Variants in LSM14A observed in about 807,000 individuals in gnomAD.
LSM14A encodes protein LSM14 homolog A.
Under a neutral mutation model 52.4 loss-of-function variants are expected in LSM14A, and 14 were observed. The observed-to-expected ratio is 0.27, with a 90% CI of 0.18 to 0.42. LSM14A has a LOEUF of 0.42. Among genes scored for constraint, LSM14A ranks in the 10% least tolerant of loss-of-function variants. The pLI is 1.00. For synonymous variants in LSM14A, 185 were observed against 200.3 expected (o/e 0.92, Z 0.64); for missense variants, 417 against 581.8 (o/e 0.72, Z 2.91).
chr19:34,212,124 C>T (rs2072208384), intron 4 of LSM14A, among the ~76,000 whole-genome samples: 1 of 151,968 alleles, frequency 6.6e-6, no homozygotes, highest in African/African-American at 2.4e-5. Context: ...AAGATGGAAG[C>T]CAGGGATTTG....
At chr19:34,227,219 G>T (rs184989652) in intron 9 of LSM14A, 146 bp from the exon 10 acceptor site, 9 of 649,272 alleles carry the variant, frequency 1.4e-5, no homozygotes, top group Admixed American at 1.2e-4. Flanking sequence ...AAGGAGTTTC[G>T]TGGAAATGAG....
intron 1 of LSM14A, among the ~76,000 whole-genome samples, chr19:34,188,443 C>T (rs2070097746): frequency 6.6e-6 from 1 of 152,166 alleles, no homozygotes; most frequent in Middle Eastern, 3.2e-3. Context: ...TGTGTGCGCA[C>T]ATGTGTGTTT....
intron 3 of LSM14A, among the ~76,000 whole-genome samples, chr19:34,202,918 A>G (rs1212272071): frequency 1.3e-5 from 2 of 152,102 alleles, no homozygotes; most frequent in Admixed American, 1.3e-4. Context: ...CGGCCTCCCA[A>G]AGTGCTAGGA....
At chr19:34,218,140 A>T (rs1277998302) in intron 6 of LSM14A, among the ~76,000 whole-genome samples, 1 of 151,642 alleles carries the variant, frequency 6.6e-6, no homozygotes, top group African/African-American at 2.4e-5. Context: ...GGTAGGTGGG[A>T]TTACAGGCAT....
intron 8 of LSM14A, among the ~76,000 whole-genome samples, chr19:34,221,146 G>A (rs181935167): frequency 1.4e-4 from 21 of 145,056 alleles, no homozygotes; most frequent in Middle Eastern, 3.7e-3. Context: ...GCAGTGGCTC[G>A]ATCTCGACTC....
intron 3 of LSM14A, among the ~76,000 whole-genome samples, chr19:34,204,286 A>G (rs918688486): frequency 2.6e-5 from 4 of 152,248 alleles, no homozygotes; most frequent in African/African-American, 9.6e-5. Flanking sequence ...TACATGGTAT[A>G]TTGTTAAACC....
At chr19:34,217,421 AATTT>A (rs1229967177) in intron 6 of LSM14A, among the ~76,000 whole-genome samples, 1 of 151,552 alleles carries the variant, frequency 6.6e-6, no homozygotes, top group African/African-American at 2.4e-5. Flanking sequence ...AATATTTTCA[AATTT>A]ATTAATGGAA....
At position 34,215,281 on chromosome 19, in the gene LSM14A, G is replaced by T; in HGVS notation, c.696G>T (p.Glu232Asp). ...CATCTGCCAGCCAAAAGGCAGGAGA[G>T]AATCAGGAGCACAGGCGAGGTAGAA... The part of the protein sequence containing the change: ...PLPSASQKAG[E>D]NQEHRRAEVH... Residue 232 changes from glutamate (E) to aspartate (D), a missense_variant, in exon 5 of 10, where the codon GAG (glutamate) becomes GAT (aspartate). By Grantham distance (45) the Glu-to-Asp change is conservative. Around this residue, in one of 2 missense-constraint regions of LSM14A, gnomAD observed 357 missense variants for 457.0 expected, o/e 0.78. Transcript: ENST00000544216. 1.2e-6 allele frequency: 2 copies of T among 1,613,080 alleles called. No individual in the cohort carries two copies. Among genetic ancestry groups the T allele is most frequent in the Middle Eastern group, 1.7e-4 (1 of 6,056 alleles).
At chr19:34,197,130 C>G (rs1018533309) in intron 3 of LSM14A, among the ~76,000 whole-genome samples, 1 of 152,030 alleles carries the variant, frequency 6.6e-6, no homozygotes. Flanking sequence ...CTCACTCTGT[C>G]ACTCAGGCTG....
chr19:34,182,193 T>G (rs1454673474), intron 1 of LSM14A, among the ~76,000 whole-genome samples: 2 of 152,218 alleles, frequency 1.3e-5, no homozygotes, highest in Non-Finnish European at 2.9e-5. Context: ...CAATTTTACT[T>G]GAGTGAATCT....
intron 1 of LSM14A, among the ~76,000 whole-genome samples, chr19:34,190,619 G>A (rs1244528689): frequency 3.3e-5 from 5 of 150,176 alleles, no homozygotes; most frequent in Admixed American, 6.6e-5. Flanking sequence ...ACTACTGTCT[G>A]TTGAGTTTCC....
At chr19:34,179,823 C>T (rs1180052647) in intron 1 of LSM14A, among the ~76,000 whole-genome samples, 1 of 152,114 alleles carries the variant, frequency 6.6e-6, no homozygotes, top group Middle Eastern at 3.2e-3. Flanking sequence ...TTAATTATTC[C>T]GTGCTAGAAG....
At chr19:34,178,496 CTG>C (rs1343390603) in intron 1 of LSM14A, among the ~76,000 whole-genome samples, 1 of 152,202 alleles carries the variant, frequency 6.6e-6, no homozygotes, top group Non-Finnish European at 1.5e-5. Context: ...AGTTTGTAGT[CTG>C]TGTCACAGCT....
intron 1 of LSM14A, among the ~76,000 whole-genome samples, chr19:34,187,399 C>G (rs2070005429): frequency 6.6e-6 from 1 of 152,048 alleles, no homozygotes; most frequent in Non-Finnish European, 1.5e-5. Flanking sequence ...ATGCCTCAGC[C>G]TCCCAAGTAG....
At chr19:34,186,108 A>T (rs2069891698) in intron 1 of LSM14A, among the ~76,000 whole-genome samples, 1 of 152,250 alleles carries the variant, frequency 6.6e-6, no homozygotes, top group Admixed American at 6.5e-5. Context: ...AGCTATATGT[A>T]GAGCACTGTG....
chr19:34,220,133 AT>A (rs1210658730), intron 8 of LSM14A, among the ~76,000 whole-genome samples: 1 of 151,856 alleles, frequency 6.6e-6, no homozygotes. Context: ...CACCCGGCTA[AT>A]TTTTTTCATT....
chr19:34,216,151 C>T (rs1599714621), intron 6 of LSM14A, among the ~76,000 whole-genome samples: 2 of 152,110 alleles, frequency 1.3e-5, no homozygotes, highest in African/African-American at 4.8e-5. Context: ...CAGTGGCTCA[C>T]GCCTGTAATT....
intron 5 of LSM14A, 143 bp downstream of exon 5, chr19:34,215,443 G>T: frequency 2.7e-6 from 3 of 1,130,274 alleles, no homozygotes; most frequent in Non-Finnish European, 3.8e-6. Flanking sequence ...TTTCAAATTT[G>T]ACTCAAAGTG....
chr19:34,189,475 T>G (rs1444732555), intron 1 of LSM14A, among the ~76,000 whole-genome samples: 1 of 152,100 alleles, frequency 6.6e-6, no homozygotes, highest in East Asian at 1.9e-4. Context: ...AGAAATGGGA[T>G]GAAATGCAAT....
Sources: gnomAD v4.1 joint callset for allele counts (sites outside exome capture counted in the v4.1 genomes callset) on GRCh38, gnomAD v4.1.1 for gene constraint, gnomAD v4.1.1 regional missense constraint, MANE v1.5 for transcripts, NCBI Gene and HGNC (gene_info 2026-07-23, HGNC 2026-07-21) for gene names.